Variants in HACD2 observed in about 807,000 individuals in gnomAD.
The protein encoded by HACD2 is very-long-chain (3R)-3-hydroxyacyl-CoA dehydratase 2.
Under a neutral mutation model 31.0 loss-of-function variants are expected in HACD2, and 15 were observed. That is an observed-to-expected ratio of 0.48 (90% CI 0.32 to 0.75). The LOEUF (loss-of-function observed/expected upper bound fraction) is 0.75, where lower values mean the gene tolerates loss of function less well. Among genes scored for constraint, HACD2 ranks in the 30% least tolerant of loss-of-function variants. HACD2 has a pLI of 0.03. For synonymous variants in HACD2, 115 were observed against 122.2 expected (o/e 0.94, Z 0.39); for missense variants, 283 against 313.0 (o/e 0.90, Z 0.72).
intron 3 of HACD2, among the ~76,000 whole-genome samples, chr3:123,566,069 T>C (rs1194047581): frequency 1.3e-5 from 2 of 152,116 alleles, no homozygotes; most frequent in Non-Finnish European, 2.9e-5. Context: ...AAATCTACCA[T>C]TCAAAGGTCC....
intron 6 of HACD2, among the ~76,000 whole-genome samples, chr3:123,499,020 T>C (rs2055870602): frequency 6.6e-6 from 1 of 152,162 alleles, no homozygotes; most frequent in Non-Finnish European, 1.5e-5. Flanking sequence ...TTGCAGGAAC[T>C]CTCAGGTAAG....
chr3:123,582,187 A>G (rs1197135521), intron 2 of HACD2, 25 bp downstream of exon 2: 1 of 1,403,940 alleles, frequency 7.1e-7, no homozygotes, highest in Admixed American at 2.2e-5. Flanking sequence ...GGAAATCAAT[A>G]ACAACAATAA....
chr3:123,564,942 A>AG (rs2056775118), intron 3 of HACD2, among the ~76,000 whole-genome samples: 1 of 152,018 alleles, frequency 6.6e-6, no homozygotes, highest in Non-Finnish European at 1.5e-5. Flanking sequence ...TCAGAGTCTG[A>AG]GGGGGAAGCA....
In HACD2 at chr3:123,494,755, T is replaced by A; in HGVS notation, c.*133A>T. 2 of 702,112 alleles carry A rather than the reference T, an allele frequency of 2.8e-6. No homozygotes were observed. 43.5% of individuals were successfully genotyped at this position (702,112 alleles called of 1,614,324 possible). A position where few individuals can be genotyped will look rare whatever the true frequency, so the allele number is the denominator to read the frequency against. On this transcript the variant is annotated 3_prime_UTR_variant, in exon 7 of 7. Coordinates refer to ENST00000383657, the MANE Select transcript of HACD2 (RefSeq NM_198402.5). ...AGGCCCATGTGACACTGGATTTTTGTTTTAGTTTTGTTTGAATATTTTAAA... is the reference window on the plus strand; with the variant it reads ...AGGCCCATGTGACACTGGATTTTTGATTTAGTTTTGTTTGAATATTTTAAA...
chr3:123,560,091 G>T (rs1291159670), intron 3 of HACD2, among the ~76,000 whole-genome samples: 4 of 152,202 alleles, frequency 2.6e-5, no homozygotes, highest in Non-Finnish European at 4.4e-5. Flanking sequence ...GTGTGAAAAA[G>T]CAAGGTTTAT....
At chr3:123,544,610 TA>T (rs1167246671) in intron 3 of HACD2, among the ~76,000 whole-genome samples, 1 of 152,114 alleles carries the variant, frequency 6.6e-6, no homozygotes, top group African/African-American at 2.4e-5. Context: ...AAATGCTACC[TA>T]AAAAATTTCC....
intron 3 of HACD2, among the ~76,000 whole-genome samples, chr3:123,542,093 G>C (rs2107720861): frequency 8.3e-6 from 1 of 119,814 alleles, no homozygotes; most frequent in South Asian, 2.9e-4. Context: ...CTTGCAGTGA[G>C]CCGAGATCCC....
intron 1 of HACD2, among the ~76,000 whole-genome samples, chr3:123,583,767 A>G (rs1334836203): frequency 6.6e-6 from 1 of 152,206 alleles, no homozygotes; most frequent in African/African-American, 2.4e-5. Flanking sequence ...TTGCATCAGC[A>G]TCTTAAGGAT....
intron 1 of HACD2, among the ~76,000 whole-genome samples, chr3:123,582,905 A>G (rs995381059): frequency 9.9e-5 from 15 of 152,232 alleles, no homozygotes; most frequent in African/African-American, 2.7e-4. Flanking sequence ...AGCCAGATCA[A>G]TACAAACCAC....
At chr3:123,516,360 G>A (rs1306000936) in intron 4 of HACD2, among the ~76,000 whole-genome samples, 1 of 151,374 alleles carries the variant, frequency 6.6e-6, no homozygotes, top group Admixed American at 6.6e-5. Context: ...TCAGCCTCCC[G>A]AGTAGCTGGG....
intron 4 of HACD2, among the ~76,000 whole-genome samples, chr3:123,509,654 ATG>A (rs2056027862): frequency 6.6e-6 from 1 of 151,856 alleles, no homozygotes; most frequent in Non-Finnish European, 1.5e-5. Flanking sequence ...GCCTGCCACC[ATG>A]CCTGGCTAAT....
At chr3:123,558,872 C>G (rs187436292) in intron 3 of HACD2, among the ~76,000 whole-genome samples, 1 of 152,280 alleles carries the variant, frequency 6.6e-6, no homozygotes, top group East Asian at 1.9e-4. Context: ...GCTTTTGAAG[C>G]TAAGAATAGG....
chr3:123,493,215 G>C lies in HACD2; in HGVS notation c.*1673C>G, dbSNP rs913102973. The C allele has an allele frequency of 1.3e-5, 2 of 152,250 alleles. No homozygotes were observed. Among genetic ancestry groups the C allele is most frequent in the African/African-American group, 4.8e-5 (2 of 41,440 alleles). The allele number at this position is 152,250 out of a possible 1,614,324, so 9.4% of individuals were successfully genotyped here. Reference sequence around the variant, plus strand: ...TAAAAATACAAAAAAAATTAGCTGGGTGTGGTGGCAGGCACCTGTAGTCCC... The same window carrying C: ...TAAAAATACAAAAAAAATTAGCTGGCTGTGGTGGCAGGCACCTGTAGTCCC... On this transcript the variant is annotated 3_prime_UTR_variant, in exon 7 of 7. Transcript: ENST00000383657.
At chr3:123,541,108 TA>T (rs1354947068) in intron 3 of HACD2, among the ~76,000 whole-genome samples, 1 of 152,112 alleles carries the variant, frequency 6.6e-6, no homozygotes, top group East Asian at 1.9e-4. Context: ...CCATCTTTGC[TA>T]AAAATACAAA....
At chr3:123,584,069 A>G (rs1276219212) in intron 1 of HACD2, among the ~76,000 whole-genome samples, 1 of 152,258 alleles carries the variant, frequency 6.6e-6, no homozygotes, top group East Asian at 1.9e-4. Flanking sequence ...AAAGAATTGC[A>G]GAGCTGAAGG....
chr3:123,578,697 T>C (rs1576247002), intron 2 of HACD2, among the ~76,000 whole-genome samples: 1 of 152,218 alleles, frequency 6.6e-6, no homozygotes, highest in South Asian at 2.1e-4. Context: ...ACAAGTAATT[T>C]CGATTTCCTT....
At chr3:123,507,991 CCT>C (rs886157808) in intron 4 of HACD2, among the ~76,000 whole-genome samples, 72 of 149,986 alleles carry the variant, frequency 4.8e-4, no homozygotes, top group African/African-American at 1.7e-3. Flanking sequence ...TGAGACCCCC[CCT>C]CTCTTAAAAA....
chr3:123,507,096 T>TA (rs2055985957), intron 4 of HACD2, among the ~76,000 whole-genome samples: 1 of 151,928 alleles, frequency 6.6e-6, no homozygotes, highest in Non-Finnish European at 1.5e-5. Flanking sequence ...GTTTCTACAA[T>TA]AAAATTAAAA....
intron 3 of HACD2, among the ~76,000 whole-genome samples, chr3:123,548,290 T>A (rs375693700): frequency 1.4e-4 from 21 of 152,178 alleles, no homozygotes; most frequent in African/African-American, 4.8e-4. Context: ...AGACCTCTTC[T>A]CTTCCTTGAG....
Sources: gnomAD v4.1 joint callset for allele counts (sites outside exome capture counted in the v4.1 genomes callset) on GRCh38, gnomAD v4.1.1 for gene constraint, MANE v1.5 for transcripts, NCBI Gene and HGNC (gene_info 2026-07-23, HGNC 2026-07-21) for gene names.